CNKSR2: variants seen among roughly 807,000 people sequenced by gnomAD.
CNKSR2 encodes connector enhancer of kinase suppressor of Ras 2, also known as CNK homolog protein 2.
CNKSR2 carries 14 observed loss-of-function variants against 84.4 expected under a neutral mutation model. The observed-to-expected ratio is 0.17, with a 90% CI of 0.11 to 0.26. The LOEUF is 0.26. CNKSR2 is among the 10% of genes least tolerant of loss of function. The probability of loss-of-function intolerance (pLI) is 1.00; values close to 1 mark genes in which losing one functional copy is unlikely to be tolerated. For missense variants in CNKSR2, 485 were observed against 771.2 expected (o/e 0.63, Z 4.40); for synonymous variants, 275 against 277.9 (o/e 0.99, Z 0.10).
In CNKSR2 at chrX:21,609,479, G is replaced by A. The variant is rs1064794829; in HGVS notation, c.2554G>A (p.Gly852Arg). Residue 852 changes from glycine to arginine, a missense_variant, in exon 20 of 22, where the codon GGG becomes AGG. Transcript: ENST00000379510. The stretch of plus-strand genomic sequence containing the variant: ...AAGTTTTACTCTGCCTCGAGATAGC[G>A]GGTTCAACCATTGCTGTCTGAATGC... ...PRSFTLPRDSGFNHCCLNAPV... is the reference protein window; with the variant it reads ...PRSFTLPRDSRFNHCCLNAPV... The A allele has an allele frequency of 2.5e-6, 3 of 1,211,350 alleles. No individual in the cohort carries two copies. Among genetic ancestry groups the A allele is most frequent in the Non-Finnish European group, 2.2e-6 (2 of 895,430 alleles).
chrX:21,448,224 T>C (rs1460486551), intron 4 of CNKSR2, among the ~76,000 whole-genome samples: 1 of 111,600 alleles, frequency 9.0e-6, no homozygotes, highest in Non-Finnish European at 1.9e-5. Flanking sequence ...AGCCTATACA[T>C]TTATAAAGGA....
chrX:21,547,478 T>C (rs1162061113), intron 11 of CNKSR2, among the ~76,000 whole-genome samples: 1 of 111,145 alleles, frequency 9.0e-6, no homozygotes, highest in Non-Finnish European at 1.9e-5. Flanking sequence ...ACAATAATAA[T>C]GGGAGACTTT....
At chrX:21,642,132 T>C (rs2092693689) in intron 20 of CNKSR2, 1 of 747,481 alleles carries the variant, frequency 1.3e-6, no homozygotes, top group South Asian at 6.8e-5. Flanking sequence ...TTGTACTAAA[T>C]TAAGTGTAAT....
At chrX:21,378,071 GACAGTA>G (rs2089845157) in intron 1 of CNKSR2, among the ~76,000 whole-genome samples, 1 of 111,289 alleles carries the variant, frequency 9.0e-6, no homozygotes, top group East Asian at 2.8e-4. Context: ...ATTTTCTACT[GACAGTA>G]AAAATTGGAT....
intron 13 of CNKSR2, among the ~76,000 whole-genome samples, chrX:21,574,805 C>T (rs1348181081): frequency 9.0e-6 from 1 of 111,462 alleles, no homozygotes; most frequent in African/African-American, 3.3e-5. Flanking sequence ...CTGTGGTTTT[C>T]AGGAGGAATG....
chrX:21,402,770 A>T (rs2090209175), intron 1 of CNKSR2, among the ~76,000 whole-genome samples: 1 of 111,068 alleles, frequency 9.0e-6, no homozygotes, highest in South Asian at 3.8e-4. Context: ...ACCTGTGAAC[A>T]GGAAGAGCCA....
intron 1 of CNKSR2, among the ~76,000 whole-genome samples, chrX:21,418,171 C>T (rs191428927): frequency 2.3e-4 from 26 of 111,763 alleles, no homozygotes; most frequent in Non-Finnish European, 4.3e-4. Context: ...GTAATAAAAA[C>T]TCTATGCCTC....
rs775287370 is a variant in CNKSR2, at chrX:21,534,410, T to C, written c.1303+2343T>C. On this transcript the variant is annotated intron_variant, in intron 11 of 21. Transcript: ENST00000379510. ...TGCAATACACATGGGAGTACAGATATCTCTTTGACATACTGATTTCCTTTC... is the reference window on the plus strand; with the variant it reads ...TGCAATACACATGGGAGTACAGATACCTCTTTGACATACTGATTTCCTTTC... 1.5e-3 allele frequency among the ~76,000 whole-genome samples: 163 copies of C among 110,491 alleles called. 1 individual carries two copies. The highest frequency in any genetic ancestry group is 4.6e-3 in the African/African-American group (142 of 30,557).
At chrX:21,576,048 C>T (rs1358113581) in intron 13 of CNKSR2, among the ~76,000 whole-genome samples, 1 of 111,970 alleles carries the variant, frequency 8.9e-6, no homozygotes, top group Non-Finnish European at 1.9e-5. Context: ...AACAAAACAC[C>T]AGCAAGGGTA....
intron 1 of CNKSR2, among the ~76,000 whole-genome samples, chrX:21,379,829 A>G (rs1601712207): frequency 8.9e-6 from 1 of 111,913 alleles, no homozygotes; most frequent in East Asian, 2.8e-4. Flanking sequence ...TATGAGCACC[A>G]TTGGAAAGAG....
intron 4 of CNKSR2, among the ~76,000 whole-genome samples, chrX:21,452,753 CTTATTTTATTTTATTTTATT>C (rs3050694): frequency 9.9e-4 from 86 of 86,840 alleles, no homozygotes; most frequent in East Asian, 6.5e-3. Flanking sequence ...ACAAGCATGA[CTTATTTTATTTTATTTTATT>C]TTATTTTATT....
At chrX:21,602,883 A>C in intron 18 of CNKSR2, among the ~76,000 whole-genome samples, 1 of 112,212 alleles carries the variant, frequency 8.9e-6, no homozygotes, top group East Asian at 2.8e-4. Flanking sequence ...TGGGCAATGT[A>C]CTGATAGGAA....
At chrX:21,626,753 A>G (rs185017703) in intron 20 of CNKSR2, among the ~76,000 whole-genome samples, 2 of 112,480 alleles carry the variant, frequency 1.8e-5, no homozygotes, top group African/African-American at 6.4e-5. Flanking sequence ...AATGGTGACA[A>G]TCAGTGTGCA....
At chrX:21,522,864 C>T (rs2091798579) in intron 9 of CNKSR2, among the ~76,000 whole-genome samples, 1 of 110,813 alleles carries the variant, frequency 9.0e-6, no homozygotes, top group Non-Finnish European at 1.9e-5. Context: ...TTGTGTCATA[C>T]CCTATTTTGT....
At chrX:21,392,479 G>A (rs954626613) in intron 1 of CNKSR2, among the ~76,000 whole-genome samples, 2 of 111,668 alleles carry the variant, frequency 1.8e-5, no homozygotes, top group African/African-American at 6.5e-5. Context: ...TGCCTTACGT[G>A]GTTGGAGAAG....
At chrX:21,383,950 T>C (rs945714044) in intron 1 of CNKSR2, among the ~76,000 whole-genome samples, 1 of 112,336 alleles carries the variant, frequency 8.9e-6, no homozygotes, top group Non-Finnish European at 1.9e-5. Flanking sequence ...GAATGATTAA[T>C]GTTAACACTG....
chrX:21,384,190 T>G (rs954099572), intron 1 of CNKSR2, among the ~76,000 whole-genome samples: 1 of 111,771 alleles, frequency 8.9e-6, no homozygotes, highest in African/African-American at 3.3e-5. Flanking sequence ...CCTCCTGGCC[T>G]GCTGGAACTT....
chrX:21,567,377 C>T (rs2092247725), intron 13 of CNKSR2, among the ~76,000 whole-genome samples: 1 of 111,727 alleles, frequency 9.0e-6, no homozygotes. Flanking sequence ...CTTATAAGCT[C>T]TCAATAAAAA....
chrX:21,646,999 A>G (rs933571273), intron 20 of CNKSR2, among the ~76,000 whole-genome samples: 6 of 111,716 alleles, frequency 5.4e-5, no homozygotes, highest in African/African-American at 1.9e-4. Context: ...AAGATTCCCT[A>G]TCTTGCTTCC....
Sources: allele counts gnomAD v4.1 joint callset (sites outside exome capture counted in the v4.1 genomes callset), GRCh38; gene constraint gnomAD v4.1.1; transcripts MANE v1.5; gene names NCBI Gene and HGNC (gene_info 2026-07-23, HGNC 2026-07-21).